THSD7B: variants seen among roughly 807,000 people sequenced by gnomAD.
THSD7B encodes thrombospondin type 1 domain containing 7B.
In THSD7B, 138 loss-of-function variants were observed where a neutral mutation model predicts 213.6. The observed-to-expected ratio is 0.65, with a 90% CI of 0.56 to 0.74. The LOEUF is 0.74. Among genes scored for constraint, THSD7B ranks in the 30% least tolerant of loss-of-function variants. THSD7B has a pLI of 0.00. For synonymous variants in THSD7B, 742 were observed against 687.0 expected (o/e 1.08, Z -1.25); for missense variants, 1,931 against 1,991.5 (o/e 0.97, Z 0.58).
intron 16 of THSD7B, among the ~76,000 whole-genome samples, chr2:137,565,500 A>G (rs2105226676): frequency 6.6e-6 from 1 of 152,304 alleles, no homozygotes; most frequent in South Asian, 2.1e-4. Context: ...ATAAGAACTC[A>G]ACACTAGAAT....
At chr2:137,539,922 T>C (rs781613562) in intron 15 of THSD7B, among the ~76,000 whole-genome samples, 6 of 151,730 alleles carry the variant, frequency 4.0e-5, no homozygotes, top group African/African-American at 1.4e-4. Context: ...ATCTTATTGA[T>C]TAGTATATAT....
intron 15 of THSD7B, among the ~76,000 whole-genome samples, chr2:137,537,523 T>A (rs1160362274): frequency 6.6e-6 from 1 of 151,658 alleles, no homozygotes; most frequent in Non-Finnish European, 1.5e-5. Context: ...ACAACCATCA[T>A]TTATAGATTG....
At chr2:136,862,575 G>A (rs1317135685) in intron 1 of THSD7B, among the ~76,000 whole-genome samples, 1 of 152,166 alleles carries the variant, frequency 6.6e-6, no homozygotes, top group Non-Finnish European at 1.5e-5. Context: ...TGAAAGAAAT[G>A]TGTAAATGAT....
chr2:136,945,019 G>T (rs1454522035), intron 2 of THSD7B, among the ~76,000 whole-genome samples: 2 of 152,136 alleles, frequency 1.3e-5, no homozygotes, highest in Non-Finnish European at 2.9e-5. Flanking sequence ...TTTTGCAGTG[G>T]CTGGTACCGG....
intron 11 of THSD7B, 39 bp downstream of exon 11, chr2:137,272,701 G>A (rs10182152): frequency 0.57 from 902,995 of 1,590,298 alleles, 264,034 homozygotes; most frequent in East Asian, 0.93. Context: ...TAGACCTACT[G>A]TAAATTATAA....
intron 14 of THSD7B, among the ~76,000 whole-genome samples, chr2:137,422,353 G>GGTCAC (rs1373883321): frequency 6.6e-6 from 1 of 152,054 alleles, no homozygotes; most frequent in Non-Finnish European, 1.5e-5. Context: ...CTTGTCTCCA[G>GGTCAC]GTCACATATT....
intron 12 of THSD7B, among the ~76,000 whole-genome samples, chr2:137,345,193 A>G (rs1030881363): frequency 1.3e-5 from 2 of 151,870 alleles, no homozygotes; most frequent in South Asian, 4.1e-4. Flanking sequence ...CAAACATTTA[A>G]GAAAATGCAG....
chr2:137,031,618 A>G (rs1233902565), intron 2 of THSD7B, among the ~76,000 whole-genome samples: 3 of 152,188 alleles, frequency 2.0e-5, no homozygotes, highest in Non-Finnish European at 4.4e-5. Flanking sequence ...AGGCATAACA[A>G]AATGTATTTA....
chr2:137,626,086 T>C (rs959037012), intron 20 of THSD7B, among the ~76,000 whole-genome samples: 1 of 152,164 alleles, frequency 6.6e-6, no homozygotes, highest in African/African-American at 2.4e-5. Flanking sequence ...GCAGTGGTGC[T>C]CCAGTCATGT....
intron 17 of THSD7B, among the ~76,000 whole-genome samples, chr2:137,599,431 A>G (rs1392184263): frequency 7.2e-5 from 11 of 152,090 alleles, no homozygotes; most frequent in African/African-American, 2.2e-4. Context: ...CAAAACCACT[A>G]TGAGATATCA....
intron 7 of THSD7B, among the ~76,000 whole-genome samples, chr2:137,225,677 A>G (rs1391017079): frequency 6.6e-6 from 1 of 152,158 alleles, no homozygotes; most frequent in Non-Finnish European, 1.5e-5. Flanking sequence ...GCTAGAGTTT[A>G]GTCCACTCTA....
intron 10 of THSD7B, among the ~76,000 whole-genome samples, chr2:137,257,423 C>T (rs950250553): frequency 3.9e-5 from 6 of 152,170 alleles, no homozygotes; most frequent in Non-Finnish European, 8.8e-5. Flanking sequence ...TTAGCCACCT[C>T]TTCTGAGTGT....
At chr2:137,390,298 G>T (rs918858897) in intron 12 of THSD7B, among the ~76,000 whole-genome samples, 2 of 151,674 alleles carry the variant, frequency 1.3e-5, no homozygotes, top group African/African-American at 4.8e-5. Flanking sequence ...TTTTTTGTAG[G>T]AATTATAAAT....
intron 14 of THSD7B, among the ~76,000 whole-genome samples, chr2:137,440,320 G>A (rs1311929244): frequency 5.3e-5 from 8 of 151,956 alleles, no homozygotes; most frequent in Admixed American, 3.9e-4. Context: ...ATAGAGTCTG[G>A]CTCCTTTTGA....
intron 3 of THSD7B, among the ~76,000 whole-genome samples, chr2:137,077,134 T>A (rs1687643236): frequency 6.6e-6 from 1 of 152,054 alleles, no homozygotes; most frequent in South Asian, 2.1e-4. Context: ...GCTTCATCCA[T>A]GTCCCTACAA....
intron 12 of THSD7B, among the ~76,000 whole-genome samples, chr2:137,315,716 T>C (rs1187094352): frequency 2.0e-5 from 3 of 152,210 alleles, no homozygotes. Flanking sequence ...AGATGGAATA[T>C]ATTTAGGAGG....
chr2:136,881,040 A>C (rs1452674446), intron 1 of THSD7B, among the ~76,000 whole-genome samples: 1 of 152,092 alleles, frequency 6.6e-6, no homozygotes, highest in Non-Finnish European at 1.5e-5. Flanking sequence ...CCTAATCACC[A>C]GTCCCCAAAC....
chr2:137,238,781 C>G (rs1681834017), intron 9 of THSD7B, among the ~76,000 whole-genome samples: 1 of 150,550 alleles, frequency 6.6e-6, no homozygotes, highest in South Asian at 2.1e-4. Context: ...TCTCGATCTC[C>G]TGACCTCATG....
intron 4 of THSD7B, among the ~76,000 whole-genome samples, chr2:137,112,772 C>T (rs940963876): frequency 1.0e-4 from 15 of 149,922 alleles, no homozygotes; most frequent in Non-Finnish European, 1.9e-4. Context: ...TGTTAATGTA[C>T]GTGTGTGTGT....
Sources: allele counts gnomAD v4.1 joint callset (sites outside exome capture counted in the v4.1 genomes callset), GRCh38; gene constraint gnomAD v4.1.1; transcripts MANE v1.5; gene names NCBI Gene and HGNC (gene_info 2026-07-23, HGNC 2026-07-21).